SP1: variants seen among roughly 807,000 people sequenced by gnomAD.
SP1 encodes the protein transcription factor Sp1.
SP1 carries 6 observed loss-of-function variants against 66.3 expected under a neutral mutation model. That is an observed-to-expected ratio of 0.09 (90% CI 0.05 to 0.18). SP1 has a LOEUF of 0.18. SP1 is among the 10% of genes least tolerant of loss of function. The pLI is 1.00. For missense variants in SP1, 848 were observed against 964.5 expected, an observed-to-expected ratio of 0.88 and a Z score of 1.60; for synonymous variants, 417 against 360.8, an observed-to-expected ratio of 1.16 and a Z score of -1.77.
chr12:53,403,346 A>G (rs748738902), intron 3 of SP1, among the ~76,000 whole-genome samples: 1 of 152,090 alleles, frequency 6.6e-6, no homozygotes, highest in African/African-American at 2.4e-5. Flanking sequence ...ACCTTGCATT[A>G]TAGAAATCTT....
intron 3 of SP1, among the ~76,000 whole-genome samples, chr12:53,388,885 T>C (rs1170784386): frequency 6.6e-6 from 1 of 150,736 alleles, no homozygotes; most frequent in Non-Finnish European, 1.5e-5. Flanking sequence ...GAGGCTGAGG[T>C]GGGAGGATTG....
At position 53,411,654 on chromosome 12, in the gene SP1, TTATATATA is replaced by T. The variant is rs10699711; in HGVS notation, c.*429_*436del. The T allele has an allele frequency of 2.1e-5, 3 of 142,106 alleles. No homozygotes were observed. Among genetic ancestry groups the T allele is most frequent in the Non-Finnish European group, 3.1e-5 (2 of 65,368 alleles). The allele number at this position is 142,106 out of a possible 1,614,324, so 8.8% of individuals were successfully genotyped here. On this transcript the variant is annotated 3_prime_UTR_variant, in exon 6 of 6. Transcript: ENST00000327443. The stretch of plus-strand genomic sequence containing the variant: ...TTAACAAAAAACAGATTCTATATTA[TTATATATA>T]TATATATATATATAAAGATATATAG...
intron 3 of SP1, among the ~76,000 whole-genome samples, chr12:53,405,188 A>C (rs1360878411): frequency 6.6e-6 from 1 of 152,010 alleles, no homozygotes; most frequent in African/African-American, 2.4e-5. Flanking sequence ...TATGTTGCCC[A>C]GGCTGGTCTT....
At chr12:53,395,618 A>G (rs928171949) in intron 3 of SP1, among the ~76,000 whole-genome samples, 11 of 152,168 alleles carry the variant, frequency 7.2e-5, no homozygotes, top group African/African-American at 2.7e-4. Context: ...AGCAAAATTT[A>G]TTGAACATTT....
At chr12:53,391,413 C>CTCCT (rs889499449) in intron 3 of SP1, among the ~76,000 whole-genome samples, 26 of 145,444 alleles carry the variant, frequency 1.8e-4, no homozygotes, top group African/African-American at 5.1e-4. Flanking sequence ...CAGTCTCCAC[C>CTCCT]TCCTGGGTTC....
intron 1 of SP1, 160 bp from the exon 2 acceptor site, chr12:53,381,499 G>A: frequency 1.7e-6 from 1 of 576,946 alleles, no homozygotes; most frequent in Non-Finnish European, 3.0e-6. Context: ...TGTCCTGCAT[G>A]CCCTGCAGCT....
rs571264449 is a variant in SP1 at position 53,416,237 on chromosome 12, A to C, written c.*4997A>C. 2.0e-5 allele frequency: 3 copies of C among 150,546 alleles called. No homozygotes were observed. Among genetic ancestry groups the C allele is most frequent in the East Asian group, 3.9e-4 (2 of 5,092 alleles). The allele number at this position is 150,546 out of a possible 1,614,324, so 9.3% of individuals were successfully genotyped here. A position where few individuals can be genotyped will look rare whatever the true frequency, so the allele number is the denominator to read the frequency against. ...ATCTTGTTCTTCCCCCTCACCCCCC[A>C]CTCTTAGGTATGTATGATGCTAATC... On this transcript the variant is annotated 3_prime_UTR_variant, in exon 6 of 6. Transcript: ENST00000327443.
At position 53,409,354 on chromosome 12, in the gene SP1, A is replaced by C. The variant is rs1334081768; in HGVS notation, c.1845-8A>C. 6.2e-7 allele frequency: 1 copy of C among 1,611,988 alleles called. No homozygotes were observed. The highest frequency in any genetic ancestry group is 1.7e-5 in the Admixed American group (1 of 59,788). On this transcript the variant is annotated splice_polypyrimidine_tract_variant and splice_region_variant and intron_variant, in intron 4 of 5. Transcript: ENST00000327443. Reference sequence around the variant, plus strand: ...ATGAATGATTAACAGTTGTGTCCTCACTTTCAGGGGCTCGGGGGATCCTGG... The same window carrying C: ...ATGAATGATTAACAGTTGTGTCCTCCCTTTCAGGGGCTCGGGGGATCCTGG...
chr12:53,384,505 G>T (rs986446518), intron 3 of SP1, among the ~76,000 whole-genome samples: 2 of 151,140 alleles, frequency 1.3e-5, no homozygotes, highest in Non-Finnish European at 2.9e-5. Context: ...GGCTGGTCTC[G>T]AACTCCTGAC....
At chr12:53,380,598 C>T (rs935750090) in intron 1 of SP1, 21 of 1,009,572 alleles carry the variant, frequency 2.1e-5, no homozygotes, top group African/African-American at 6.9e-5. Flanking sequence ...CCGCCTGAGG[C>T]TCCTCCCGCC....
At chr12:53,410,016 A>ATAAAAT in intron 5 of SP1, among the ~76,000 whole-genome samples, 1 of 147,930 alleles carries the variant, frequency 6.8e-6, no homozygotes, top group Middle Eastern at 3.7e-3. Flanking sequence ...TCTCAAAAAA[A>ATAAAAT]AAGGAAGGAG....
At chr12:53,389,622 A>T (rs969794257) in intron 3 of SP1, among the ~76,000 whole-genome samples, 10 of 150,996 alleles carry the variant, frequency 6.6e-5, no homozygotes, top group African/African-American at 1.5e-4. Flanking sequence ...CTTTTTTTTT[A>T]AATTGACACC....
At chr12:53,381,377 G>T in intron 1 of SP1, 1 of 255,126 alleles carries the variant, frequency 3.9e-6, no homozygotes, top group Non-Finnish European at 7.4e-6. Context: ...CTCTCACCAT[G>T]CCTACCGTCC....
intron 3 of SP1, among the ~76,000 whole-genome samples, chr12:53,397,672 G>A (rs1157231035): frequency 1.3e-5 from 2 of 149,122 alleles, no homozygotes; most frequent in East Asian, 2.0e-4. Flanking sequence ...TGCAACCTGT[G>A]CCTCCTGAGT....
intron 3 of SP1, among the ~76,000 whole-genome samples, chr12:53,394,652 T>C (rs1389280078): frequency 6.9e-6 from 1 of 144,960 alleles, no homozygotes; most frequent in Admixed American, 7.1e-5. Flanking sequence ...TCTCGCTCTG[T>C]TGTCCAGGCT....
At chr12:53,393,592 CTTT>C (rs35813851) in intron 3 of SP1, among the ~76,000 whole-genome samples, 2 of 130,444 alleles carry the variant, frequency 1.5e-5, no homozygotes. Flanking sequence ...CTGCATTTTC[CTTT>C]TTTTTTTTTT....
intron 3 of SP1, among the ~76,000 whole-genome samples, chr12:53,395,267 G>A (rs548553231): frequency 3.7e-4 from 57 of 152,210 alleles, no homozygotes; most frequent in African/African-American, 1.3e-3. Context: ...TTGAATCTGC[G>A]AGGTGGAATT....
Position 53,381,769 on chromosome 12 carries a change from A to G in SP1, c.118A>G (p.Ser40Gly), listed in dbSNP as rs1475659772. The G allele has an allele frequency of 6.2e-7, 1 of 1,614,196 alleles. No individual in the cohort carries two copies. Among genetic ancestry groups the G allele is most frequent in the East Asian group, 2.2e-5 (1 of 44,886 alleles). Residue 40 changes from serine to glycine, a missense_variant, in exon 2 of 6, where the codon AGT becomes GGT. Transcript: ENST00000327443. Reference sequence around the variant, plus strand: ...TGGTGGTGCCTTTTCACAGGCTCGAAGTAGCAGCACAGGCAGTAGCAGCAG... The same window carrying G: ...TGGTGGTGCCTTTTCACAGGCTCGAGGTAGCAGCACAGGCAGTAGCAGCAG... ...NGGGAFSQAR[S>G]SSTGSSSSTG...
intron 3 of SP1, among the ~76,000 whole-genome samples, chr12:53,399,967 T>C (rs1938573122): frequency 6.6e-6 from 1 of 152,172 alleles, no homozygotes; most frequent in Non-Finnish European, 1.5e-5. Context: ...AATTTCATCA[T>C]GTTGGCCAGG....
Sources: gnomAD v4.1 joint callset for allele counts (sites outside exome capture counted in the v4.1 genomes callset) on GRCh38, gnomAD v4.1.1 for gene constraint, MANE v1.5 for transcripts, NCBI Gene and HGNC (gene_info 2026-07-23, HGNC 2026-07-21) for gene names.